The following ENTPD4 variants were observed in gnomAD, a reference collection of about 807,000 sequenced individuals.
ENTPD4 encodes ectonucleoside triphosphate diphosphohydrolase 4.
A neutral mutation model predicts 79.1 loss-of-function variants in ENTPD4; 60 were observed. That is an observed-to-expected ratio of 0.76 (90% confidence interval 0.62 to 0.94). The LOEUF (loss-of-function observed/expected upper bound fraction) is 0.94. ENTPD4 is among the 40% of genes least tolerant of loss of function. ENTPD4 has a pLI of 0.00. For synonymous variants in ENTPD4, 276 were observed against 292.0 expected (o/e 0.95, Z 0.56); for missense variants, 772 against 775.1 (o/e 1.00, Z 0.05).
chr8:23,435,470 C>A lies in ENTPD4; in HGVS notation c.1382G>T (p.Cys461Phe). Residue 461 changes from cysteine (C) to phenylalanine (F), a missense_variant, in exon 11 of 13, where the codon TGT becomes TTT. Physicochemically the swap from Cys to Phe is radical, Grantham distance 205 (BLOSUM62 -2). Coordinates refer to ENST00000358689, the MANE Select transcript of ENTPD4 (RefSeq NM_004901.5). ...AKFTKAAKDY[C>F]ATKWSILRER... is the part of the protein sequence containing the mutation. Reference sequence around the variant, plus strand: ...CCGCAAAATGGACCACTTTGTTGCACAATAATCCTGAAAACAAATTCACCA... The same window carrying A: ...CCGCAAAATGGACCACTTTGTTGCAAAATAATCCTGAAAACAAATTCACCA... The A allele has an allele frequency of 6.2e-7, 1 of 1,613,300 alleles. No individual in the cohort carries two copies. The highest frequency in any genetic ancestry group is 8.5e-7 in the Non-Finnish European group (1 of 1,179,302).
chr8:23,440,911 C>G (rs371366760), intron 8 of ENTPD4, among the ~76,000 whole-genome samples: 1 of 152,190 alleles, frequency 6.6e-6, no homozygotes, highest in Non-Finnish European at 1.5e-5. Context: ...CACTTTGAAC[C>G]GTCCCCCGCC....
intron 9 of ENTPD4, among the ~76,000 whole-genome samples, chr8:23,439,000 A>C (rs1800620949): frequency 6.6e-6 from 1 of 152,232 alleles, no homozygotes; most frequent in South Asian, 2.1e-4. Context: ...CAAAATAAAC[A>C]AATAAAACAC....
At position 23,431,962 on chromosome 8, in the gene ENTPD4, G is replaced by C; in HGVS notation, c.*964C>G. 1.0e-6 allele frequency: 1 copy of C among 985,362 alleles called. No homozygotes were observed. The highest frequency in any genetic ancestry group is 1.2e-6 in the Non-Finnish European group (1 of 829,902). 61.0% of individuals were successfully genotyped at this position (985,362 alleles called of 1,614,324 possible). A position where few individuals can be genotyped will look rare whatever the true frequency, so the allele number is the denominator to read the frequency against. On this transcript the variant is annotated 3_prime_UTR_variant, in exon 13 of 13. Coordinates refer to ENST00000358689, the MANE Select transcript of ENTPD4 (RefSeq NM_004901.5). ...TGTACCAGTAAATTCTGAAGTGTGTGTTTTTAAAGAACCAGCATTGCCTCC... is the reference window on the plus strand; with the variant it reads ...TGTACCAGTAAATTCTGAAGTGTGTCTTTTTAAAGAACCAGCATTGCCTCC...
At chr8:23,449,529 GT>G (rs1800822771) in intron 2 of ENTPD4, among the ~76,000 whole-genome samples, 2 of 152,098 alleles carry the variant, frequency 1.3e-5, no homozygotes, top group South Asian at 4.1e-4. Context: ...CAATAAATGA[GT>G]TTTCTATGTC....
At chr8:23,443,243 C>A (rs1585405977) in intron 6 of ENTPD4, among the ~76,000 whole-genome samples, 1 of 152,078 alleles carries the variant, frequency 6.6e-6, no homozygotes, top group Admixed American at 6.5e-5. Flanking sequence ...ACCTAAAACC[C>A]TCATAGAACA....
chr8:23,446,629 G>A (rs1276306941), intron 4 of ENTPD4, among the ~76,000 whole-genome samples: 1 of 152,280 alleles, frequency 6.6e-6, no homozygotes, highest in East Asian at 1.9e-4. Flanking sequence ...TGAGTAATAT[G>A]CTGGTTCCTA....
At chr8:23,434,543 A>G (rs1800521684) in intron 11 of ENTPD4, 65 bp from the exon 12 acceptor site, 2 of 1,591,798 alleles carry the variant, frequency 1.3e-6, no homozygotes, top group Non-Finnish European at 1.7e-6. Context: ...ACACACACAC[A>G]CACACACACA....
Position 23,431,900 on chromosome 8 carries a change from G to GA in ENTPD4, c.*1025dup. 1.0e-6 allele frequency: 1 copy of GA among 985,402 alleles called. No individual in the cohort carries two copies. The highest frequency in any genetic ancestry group is 1.2e-6 in the Non-Finnish European group (1 of 829,926). The allele number at this position is 985,402 out of a possible 1,614,324, so 61.0% of individuals were successfully genotyped here. A position where few individuals can be genotyped will look rare whatever the true frequency, so the allele number is the denominator to read the frequency against. ...AAGGAGCGTAATTACCTGCGGTCAG[G>GA]AAAAGATAACAGTAACGAGGATTTT... On this transcript the variant is annotated 3_prime_UTR_variant, in exon 13 of 13. Coordinates refer to ENST00000358689, the MANE Select transcript of ENTPD4 (RefSeq NM_004901.5).
rs895794963 is a variant in ENTPD4 at position 23,430,894 on chromosome 8, A to G, written c.*2032T>C. ...TGTCGCAGGCAGGTGGCCAAGACCA[A>G]CTTATTAGGTAGCCAGAAGCTCACC... On this transcript the variant is annotated 3_prime_UTR_variant, in exon 13 of 13. Transcript: ENST00000358689. The G allele has an allele frequency of 5.1e-6, 5 of 985,488 alleles. No individual in the cohort carries two copies. Among genetic ancestry groups the G allele is most frequent in the Middle Eastern group, 1.0e-3 (2 of 1,914 alleles). 61.0% of individuals were successfully genotyped at this position (985,488 alleles called of 1,614,324 possible).
intron 1 of ENTPD4, among the ~76,000 whole-genome samples, chr8:23,452,543 T>C (rs1800883896): frequency 6.6e-6 from 1 of 152,228 alleles, no homozygotes; most frequent in Admixed American, 6.5e-5. Flanking sequence ...TCAGTTGTAC[T>C]AGCCACCTTT....
intron 4 of ENTPD4, among the ~76,000 whole-genome samples, chr8:23,446,138 G>A (rs181783866): frequency 6.6e-5 from 10 of 152,320 alleles, no homozygotes; most frequent in East Asian, 3.9e-4. Context: ...GGACAGAGTA[G>A]TGCAATAAAA....
At chr8:23,436,155 C>T (rs573894074) in intron 10 of ENTPD4, among the ~76,000 whole-genome samples, 5 of 152,230 alleles carry the variant, frequency 3.3e-5, no homozygotes, top group African/African-American at 1.2e-4. Flanking sequence ...ACAGAGAAGT[C>T]GCGGAGAGCG....
chr8:23,438,008 A>G (rs1030433692), intron 9 of ENTPD4, among the ~76,000 whole-genome samples: 2 of 152,250 alleles, frequency 1.3e-5, no homozygotes, highest in African/African-American at 2.4e-5. Flanking sequence ...TCCCAACTGC[A>G]GCAGACAGCA....
At chr8:23,441,895 ACTC>A (rs2117289062) in intron 7 of ENTPD4, 109 bp downstream of exon 7, 3 of 1,146,004 alleles carry the variant, frequency 2.6e-6, no homozygotes, top group Admixed American at 3.8e-5. Context: ...CTCTCATTCT[ACTC>A]CTACACGCTT....
chr8:23,446,005 C>CTG (rs138470321), intron 4 of ENTPD4, among the ~76,000 whole-genome samples: 1 of 152,194 alleles, frequency 6.6e-6, no homozygotes, highest in Non-Finnish European at 1.5e-5. Context: ...ATTGACTAAA[C>CTG]TGTAAGTTTT....
Position 23,429,964 on chromosome 8 carries a change from C to T in ENTPD4, c.*2962G>A. ...CCATGATATGGCTATGGAACATAAG[C>T]ACTTATTGCTGGCATGTTTCTACCA... On this transcript the variant is annotated 3_prime_UTR_variant, in exon 13 of 13. Coordinates refer to ENST00000358689, the MANE Select transcript of ENTPD4 (RefSeq NM_004901.5). 1.0e-6 allele frequency: 1 copy of T among 985,448 alleles called. No individual in the cohort carries two copies. The highest frequency in any genetic ancestry group is 1.2e-6 in the Non-Finnish European group (1 of 829,934). 61.0% of individuals were successfully genotyped at this position (985,448 alleles called of 1,614,324 possible). A position where few individuals can be genotyped will look rare whatever the true frequency, so the allele number is the denominator to read the frequency against.
chr8:23,453,988 T>C (rs1351417042), intron 1 of ENTPD4, among the ~76,000 whole-genome samples: 1 of 152,182 alleles, frequency 6.6e-6, no homozygotes, highest in Admixed American at 6.5e-5. Flanking sequence ...AGTGAAAAAA[T>C]GTCCCCATGC....
At chr8:23,440,626 T>C (rs945120543) in intron 8 of ENTPD4, among the ~76,000 whole-genome samples, 2 of 152,214 alleles carry the variant, frequency 1.3e-5, no homozygotes, top group South Asian at 4.1e-4. Flanking sequence ...GAAAAACAAA[T>C]TGTAATACTT....
At chr8:23,451,050 T>C (rs528668918) in intron 1 of ENTPD4, among the ~76,000 whole-genome samples, 49 of 151,474 alleles carry the variant, frequency 3.2e-4, no homozygotes, top group Non-Finnish European at 5.6e-4. Flanking sequence ...AGACAGAGTC[T>C]TGCTCTTGTC....
Sources: gnomAD v4.1 joint callset for allele counts (sites outside exome capture counted in the v4.1 genomes callset) on GRCh38, gnomAD v4.1.1 for gene constraint, MANE v1.5 for transcripts, NCBI Gene and HGNC (gene_info 2026-07-23, HGNC 2026-07-21) for gene names.